Variants in CCAR1 observed in about 807,000 individuals in gnomAD.
CCAR1 encodes cell division cycle and apoptosis regulator 1.
In CCAR1, 78 loss-of-function variants were observed where a neutral mutation model predicts 163.8. The ratio of observed to expected loss-of-function variants is 0.48; its 90% CI spans 0.40 to 0.57. The LOEUF (loss-of-function observed/expected upper bound fraction) is 0.57. Among genes scored for constraint, CCAR1 ranks in the 20% least tolerant of loss-of-function variants. CCAR1 has a pLI of 0.00. For synonymous variants in CCAR1, 443 were observed against 460.7 expected (o/e 0.96, Z 0.49); for missense variants, 1,019 against 1,365.2 (o/e 0.75, Z 4.00).
At position 68,754,840 on chromosome 10, in the gene CCAR1, A is replaced by G. The variant is rs747622059; in HGVS notation, c.1458+13A>G. 8.4e-6 allele frequency: 12 copies of G among 1,420,146 alleles called. No homozygotes were observed. The highest frequency in any genetic ancestry group is 1.2e-5 in the Non-Finnish European group (12 of 1,004,118). 88.0% of individuals were successfully genotyped at this position (1,420,146 alleles called of 1,614,324 possible). A position where few individuals can be genotyped will look rare whatever the true frequency, so the allele number is the denominator to read the frequency against. Reference sequence around the variant, plus strand: ...TAGACTTGTTAAGGTAAAAGGACACATTTGTTTTAACTTTAGATGTATTCA... The same window carrying G: ...TAGACTTGTTAAGGTAAAAGGACACGTTTGTTTTAACTTTAGATGTATTCA... On this transcript the variant is annotated intron_variant, in intron 12 of 24. Transcript: ENST00000265872.
At chr10:68,735,757 G>A (rs1433478026) in intron 2 of CCAR1, 1 of 152,200 alleles carries the variant, frequency 6.6e-6, no homozygotes, top group Non-Finnish European at 1.5e-5. Context: ...AAGGGGAAGA[G>A]TAGAACAAGG....
intron 6 of CCAR1, among the ~76,000 whole-genome samples, chr10:68,746,945 GGTTA>G (rs1179832180): frequency 6.6e-6 from 1 of 151,866 alleles, no homozygotes; most frequent in Non-Finnish European, 1.5e-5. Context: ...ACAATGTGCA[GGTTA>G]GTTACATATG....
chr10:68,739,667 C>T lies in CCAR1; in HGVS notation c.292-962C>T, dbSNP rs117895576. Among the ~76,000 whole-genome samples, 1,112 of 152,238 alleles carry T rather than the reference C, an allele frequency of 7.3e-3. 80 individuals carry two copies. The highest frequency in any genetic ancestry group is 0.058 in the Admixed American group (891 of 15,270). ...GATGTCTTGTTTTCAGAGTACCTTCCAACTTATTTTAGTGCTCTTATGAAA... is the reference window on the plus strand; with the variant it reads ...GATGTCTTGTTTTCAGAGTACCTTCTAACTTATTTTAGTGCTCTTATGAAA... On this transcript the variant is annotated intron_variant, in intron 4 of 24. Coordinates refer to ENST00000265872, the MANE Select transcript of CCAR1 (RefSeq NM_018237.4).
chr10:68,747,379 G>T lies in CCAR1; in HGVS notation c.639G>T (p.Gln213His). Residue 213 changes from glutamine (Q) to histidine (H), a missense_variant, in exon 8 of 25, where the codon CAG becomes CAT. Coordinates refer to ENST00000265872, the MANE Select transcript of CCAR1 (RefSeq NM_018237.4). ...QRIQTLPNQN[Q>H]SQTQPLLKTP... ...CTTTCATTTTTTAATTGAAGAATCA[G>T]TCGCAAACCCAGCCATTACTGAAGA... is the stretch of plus-strand genomic sequence containing the variant. 2 of 1,611,576 alleles carry T rather than the reference G, an allele frequency of 1.2e-6. No homozygotes were observed. The highest frequency in any genetic ancestry group is 1.7e-6 in the Non-Finnish European group (2 of 1,179,228).
At chr10:68,742,280 A>G in intron 5 of CCAR1, 96 bp from the exon 6 acceptor site, 1 of 885,140 alleles carries the variant, frequency 1.1e-6, no homozygotes, top group Non-Finnish European at 1.7e-6. Flanking sequence ...CATAATATGA[A>G]ATTTTTAACA....
At chr10:68,752,593 T>C (rs1397187599) in intron 10 of CCAR1, among the ~76,000 whole-genome samples, 1 of 152,276 alleles carries the variant, frequency 6.6e-6, no homozygotes, top group East Asian at 1.9e-4. Context: ...ATTATAGGCC[T>C]GGCACTGGTG....
chr10:68,756,383 G>T lies in CCAR1; in HGVS notation c.1736G>T (p.Cys579Phe), dbSNP rs1485214555. Residue 579 changes from cysteine to phenylalanine, a missense_variant, in exon 14 of 25, where the codon TGC (cysteine) becomes TTC (phenylalanine). Transcript: ENST00000265872. The surrounding 1 kb of genome is among the most constrained non-coding windows in gnomAD (Gnocchi z 5.1). Reference protein sequence around the residue: ...VVLFFPDVWHCLPTRSEWETL... With the variant: ...VVLFFPDVWHFLPTRSEWETL... ...TTATTTTTCCCGGATGTTTGGCATT[G>T]CCTTCCCACCCGCTCAGAGTGGGAA... 1 of 1,613,964 alleles carries T rather than the reference G, an allele frequency of 6.2e-7. No individual in the cohort carries two copies. Among genetic ancestry groups the T allele is most frequent in the Non-Finnish European group, 8.5e-7 (1 of 1,180,006 alleles).
At chr10:68,726,355 G>T (rs2055946628) in intron 2 of CCAR1, among the ~76,000 whole-genome samples, 1 of 151,920 alleles carries the variant, frequency 6.6e-6, no homozygotes, top group Non-Finnish European at 1.5e-5. Context: ...GTTTCACCCT[G>T]TTAGCCAAGA....
At chr10:68,774,981 C>T (rs766338543) in intron 19 of CCAR1, 12 of 376,114 alleles carry the variant, frequency 3.2e-5, no homozygotes, top group East Asian at 9.3e-5. Flanking sequence ...CTTTTATTTA[C>T]GGTATATTTT....
intron 16 of CCAR1, among the ~76,000 whole-genome samples, chr10:68,762,676 T>C (rs1370917055): frequency 6.6e-6 from 1 of 152,222 alleles, no homozygotes; most frequent in Non-Finnish European, 1.5e-5. Flanking sequence ...AAGAATTACT[T>C]CCAGAAATGT....
At chr10:68,766,838 C>T (rs1346721685) in intron 17 of CCAR1, among the ~76,000 whole-genome samples, 1 of 152,020 alleles carries the variant, frequency 6.6e-6, no homozygotes, top group Non-Finnish European at 1.5e-5. Context: ...AATGCCTTTT[C>T]ATTGCTTGTT....
intron 17 of CCAR1, among the ~76,000 whole-genome samples, chr10:68,767,676 C>T (rs549327000): frequency 1.3e-5 from 2 of 152,312 alleles, no homozygotes; most frequent in East Asian, 3.9e-4. Flanking sequence ...TCCCAAGTAG[C>T]CGGAATTACA....
intron 23 of CCAR1, among the ~76,000 whole-genome samples, chr10:68,789,032 C>T (rs2056825332): frequency 6.6e-6 from 1 of 151,864 alleles, no homozygotes; most frequent in Admixed American, 6.6e-5. Context: ...GCCTCAGCCT[C>T]CCAAGTAGCT....
intron 15 of CCAR1, 121 bp from the exon 16 acceptor site, chr10:68,760,886 A>C (rs1393830092): frequency 3.6e-5 from 15 of 416,008 alleles, no homozygotes; most frequent in Non-Finnish European, 5.1e-5. Context: ...AAACAAAAAA[A>C]AAAAAAACAC....
At chr10:68,748,510 G>A (rs572211385) in intron 8 of CCAR1, among the ~76,000 whole-genome samples, 2 of 142,360 alleles carry the variant, frequency 1.4e-5, no homozygotes, top group Non-Finnish European at 1.5e-5. Flanking sequence ...TTTTTTTGAG[G>A]CAGGGTTTCT....
At chr10:68,782,201 G>A (rs1005461838) in intron 19 of CCAR1, among the ~76,000 whole-genome samples, 2 of 152,106 alleles carry the variant, frequency 1.3e-5, no homozygotes, top group African/African-American at 2.4e-5. Context: ...TTCTATAAAG[G>A]CTAAGAAAGA....
chr10:68,746,065 C>T lies in CCAR1; in HGVS notation c.519-1096C>T, dbSNP rs187614890. ...TTGGCTCATCACAACCTCTGCCTCC[C>T]GGGTTCAAGTGATTCTCCTGCCTCA... On this transcript the variant is annotated intron_variant, in intron 6 of 24. Coordinates refer to ENST00000265872, the MANE Select transcript of CCAR1 (RefSeq NM_018237.4). 6.1e-3 allele frequency among the ~76,000 whole-genome samples: 921 copies of T among 151,080 alleles called. 8 individuals carry two copies. Among genetic ancestry groups the T allele is most frequent in the African/African-American group, 0.021 (875 of 41,122 alleles).
intron 6 of CCAR1, among the ~76,000 whole-genome samples, chr10:68,744,177 G>A (rs1564534425): frequency 6.6e-6 from 1 of 152,138 alleles, no homozygotes; most frequent in African/African-American, 2.4e-5. Context: ...GAACCACTGC[G>A]CCTAGCCAGT....
intron 6 of CCAR1, among the ~76,000 whole-genome samples, chr10:68,746,323 C>T (rs2056254547): frequency 6.6e-6 from 1 of 152,070 alleles, no homozygotes; most frequent in African/African-American, 2.4e-5. Context: ...ATCGCCCAGG[C>T]TGGAGTGCGG....
Sources: allele counts gnomAD v4.1 joint callset (sites outside exome capture counted in the v4.1 genomes callset), GRCh38; gene constraint gnomAD v4.1.1; non-coding constraint Gnocchi (gnomAD v3.1); transcripts MANE v1.5; gene names NCBI Gene and HGNC (gene_info 2026-07-23, HGNC 2026-07-21).